NRCAM: variants seen among roughly 807,000 people sequenced by gnomAD.
NRCAM encodes neuronal cell adhesion molecule.
A neutral mutation model predicts 156.5 loss-of-function variants in NRCAM; 83 were observed. The observed-to-expected ratio is 0.53, with a 90% CI of 0.44 to 0.64. The LOEUF is 0.64. Among genes scored for constraint, NRCAM ranks in the 30% least tolerant of loss-of-function variants. NRCAM has a pLI of 0.00. For synonymous variants in NRCAM, 538 were observed against 563.9 expected, an observed-to-expected ratio of 0.95 and a Z score of 0.65; for missense variants, 1,417 against 1,597.3, an observed-to-expected ratio of 0.89 and a Z score of 1.92.
chr7:108,299,748 C>T (rs1419613647), intron 3 of NRCAM, among the ~76,000 whole-genome samples: 1 of 152,190 alleles, frequency 6.6e-6, no homozygotes, highest in Admixed American at 6.5e-5. Context: ...GACCAGAAGT[C>T]TCAAGGCCAA....
intron 3 of NRCAM, among the ~76,000 whole-genome samples, chr7:108,293,453 C>CA (rs1040911759): frequency 6.6e-6 from 1 of 151,960 alleles, no homozygotes. Context: ...AAGAGAATTG[C>CA]AAAAAAACAT....
In NRCAM at chr7:108,311,614, T is replaced by G. The variant is rs556134236; in HGVS notation, c.-107+1051A>C. ...GATTTACAAAGCAACATTCTTAGTT[T>G]CCAGTCTACTAATTTGGGGATTTCT... On this transcript the variant is annotated intron_variant, in intron 3 of 32. Coordinates refer to ENST00000379028, the MANE Select transcript of NRCAM (RefSeq NM_001037132.4). Among the ~76,000 whole-genome samples the G allele has an allele frequency of 6.6e-4, 101 of 152,314 alleles. 1 individual carries two copies. The highest frequency in any genetic ancestry group is 3.4e-3 in the Middle Eastern group (1 of 294).
intron 1 of NRCAM, among the ~76,000 whole-genome samples, chr7:108,418,505 G>A (rs1245324973): frequency 6.6e-6 from 1 of 151,772 alleles, no homozygotes; most frequent in Non-Finnish European, 1.5e-5. Context: ...AGCAGCATTG[G>A]CCTGACCACA....
chr7:108,264,418 G>T (rs980229098), intron 3 of NRCAM, among the ~76,000 whole-genome samples: 2 of 152,162 alleles, frequency 1.3e-5, no homozygotes, highest in Non-Finnish European at 2.9e-5. Context: ...AATCAAAAAA[G>T]ATACTGCACA....
chr7:108,431,743 C>T (rs1825510037), intron 1 of NRCAM, among the ~76,000 whole-genome samples: 1 of 152,190 alleles, frequency 6.6e-6, no homozygotes, highest in African/African-American at 2.4e-5. Context: ...TAGGATCATG[C>T]CACTGCACTC....
intron 2 of NRCAM, among the ~76,000 whole-genome samples, chr7:108,330,594 C>T (rs949135134): frequency 2.0e-5 from 3 of 152,140 alleles, no homozygotes; most frequent in South Asian, 2.1e-4. Context: ...GTTTAACAGG[C>T]TCCTCACAAT....
intron 1 of NRCAM, among the ~76,000 whole-genome samples, chr7:108,411,956 A>G (rs548963337): frequency 1.1e-4 from 17 of 152,350 alleles, no homozygotes; most frequent in African/African-American, 3.8e-4. Flanking sequence ...ACAAAACTAC[A>G]GTAAACAATC....
intron 1 of NRCAM, among the ~76,000 whole-genome samples, chr7:108,438,042 A>T (rs922161810): frequency 6.3e-4 from 96 of 151,614 alleles, no homozygotes; most frequent in Non-Finnish European, 2.5e-4. Context: ...AAAAAAAAAA[A>T]AAATTAATTA....
At chr7:108,309,716 G>C (rs144910999) in intron 3 of NRCAM, among the ~76,000 whole-genome samples, 2 of 152,080 alleles carry the variant, frequency 1.3e-5, no homozygotes, top group African/African-American at 4.8e-5. Flanking sequence ...AAGTAGCCAG[G>C]CATGTTGGTA....
intron 3 of NRCAM, among the ~76,000 whole-genome samples, chr7:108,309,490 T>C (rs2098769169): frequency 6.6e-6 from 1 of 152,194 alleles, no homozygotes; most frequent in African/African-American, 2.4e-5. Flanking sequence ...TTGATTTGAC[T>C]GGTATCAACT....
At chr7:108,364,665 G>A (rs1010666332) in intron 2 of NRCAM, among the ~76,000 whole-genome samples, 2 of 151,410 alleles carry the variant, frequency 1.3e-5, no homozygotes, top group East Asian at 3.9e-4. Flanking sequence ...ACAATGACAT[G>A]TTATCTGGCC....
At chr7:108,228,506 G>A (rs1243694115) in intron 8 of NRCAM, among the ~76,000 whole-genome samples, 1 of 151,814 alleles carries the variant, frequency 6.6e-6, no homozygotes, top group East Asian at 1.9e-4. Flanking sequence ...CATTGCACTT[G>A]AAAAAAAATG....
At chr7:108,201,327 G>C (rs1434549415) in intron 13 of NRCAM, among the ~76,000 whole-genome samples, 2 of 152,140 alleles carry the variant, frequency 1.3e-5, no homozygotes, top group Non-Finnish European at 1.5e-5. Context: ...GAATAGAGTG[G>C]CTGTGTATTT....
rs1275190857 is a variant in NRCAM at position 108,159,202 on chromosome 7, G to A, written c.3677+261C>T. 7.8e-6 allele frequency: 5 copies of A among 641,296 alleles called. No homozygotes were observed. The East Asian group carries it at 1.6e-4, about 21-fold the overall frequency. 39.7% of individuals were successfully genotyped at this position (641,296 alleles called of 1,614,324 possible). A position where few individuals can be genotyped will look rare whatever the true frequency, so the allele number is the denominator to read the frequency against. On this transcript the variant is annotated intron_variant, in intron 32 of 32. Coordinates refer to ENST00000379028, the MANE Select transcript of NRCAM (RefSeq NM_001037132.4). ...TGGCTTTGCTAGATTGATCAATACA[G>A]CATGGTCCCATGGAAAATATGACAA... is the stretch of plus-strand genomic sequence containing the variant.
At chr7:108,408,176 T>G (rs947055345) in intron 1 of NRCAM, among the ~76,000 whole-genome samples, 1 of 152,216 alleles carries the variant, frequency 6.6e-6, no homozygotes, top group Non-Finnish European at 1.5e-5. Flanking sequence ...TAATAATTCA[T>G]AAATCCAACC....
At chr7:108,195,983 A>G (rs779922375) in intron 14 of NRCAM, 111 bp from the exon 15 acceptor site, 16 of 719,246 alleles carry the variant, frequency 2.2e-5, no homozygotes, top group Non-Finnish European at 4.0e-5. Context: ...AGCACAAGCA[A>G]TCTATCTCTC....
At chr7:108,384,229 GC>G (rs756229005) in intron 2 of NRCAM, among the ~76,000 whole-genome samples, 3 of 151,790 alleles carry the variant, frequency 2.0e-5, no homozygotes, top group Non-Finnish European at 4.4e-5. Context: ...CTTCACATGT[GC>G]CCCCAAATCT....
chr7:108,160,312 A>G (rs200406272), intron 31 of NRCAM, 49 bp downstream of exon 31: 44 of 1,538,452 alleles, frequency 2.9e-5, no homozygotes, highest in South Asian at 1.6e-4. Flanking sequence ...TTTTAGTTTA[A>G]TGGATTATTA....
At chr7:108,216,273 A>G (rs797020171) in intron 11 of NRCAM, among the ~76,000 whole-genome samples, 4 of 152,334 alleles carry the variant, frequency 2.6e-5, no homozygotes, top group African/African-American at 9.6e-5. Context: ...GTTTCTGCCA[A>G]AAGATCCGCT....
Sources: allele counts gnomAD v4.1 joint callset (sites outside exome capture counted in the v4.1 genomes callset), GRCh38; gene constraint gnomAD v4.1.1; transcripts MANE v1.5; gene names NCBI Gene and HGNC (gene_info 2026-07-23, HGNC 2026-07-21).